Variants in PDZD2 observed in about 807,000 individuals in gnomAD.
PDZD2 encodes the protein PDZ domain containing 2.
Under a neutral mutation model 220.7 loss-of-function variants are expected in PDZD2, and 90 were observed. The observed-to-expected ratio is 0.41, with a 90% confidence interval of 0.34 to 0.49. The LOEUF is 0.49. Among genes scored for constraint, PDZD2 ranks in the 20% least tolerant of loss-of-function variants. The pLI is 0.28. For missense variants in PDZD2, 3,174 were observed against 3,608.5 expected (o/e 0.88, Z 3.08); for synonymous variants, 1,375 against 1,450.5 (o/e 0.95, Z 1.18).
chr5:31,961,067 A>T (rs1748176420), intron 2 of PDZD2, among the ~76,000 whole-genome samples: 1 of 151,710 alleles, frequency 6.6e-6, no homozygotes, highest in East Asian at 1.9e-4. Context: ...CACAAGACTG[A>T]CCCCCTTCTA....
At chr5:32,072,340 G>T in intron 17 of PDZD2, 23 bp downstream of exon 17, 1 of 1,588,856 alleles carries the variant, frequency 6.3e-7, no homozygotes, top group Admixed American at 1.7e-5. Flanking sequence ...GCCCCAGAGG[G>T]CCTGGGCTCT....
At chr5:31,907,980 G>A (rs1418393106) in intron 2 of PDZD2, among the ~76,000 whole-genome samples, 9 of 150,974 alleles carry the variant, frequency 6.0e-5, no homozygotes, top group Non-Finnish European at 1.5e-5. Context: ...CTACTCAGGA[G>A]GCCGAGGCAG....
intron 1 of PDZD2, among the ~76,000 whole-genome samples, chr5:31,761,359 T>C (rs1051351669): frequency 4.6e-5 from 7 of 151,264 alleles, no homozygotes; most frequent in Admixed American, 2.0e-4. Context: ...AGTAGAGAAA[T>C]AAAAAGATAA....
intron 1 of PDZD2, among the ~76,000 whole-genome samples, chr5:31,680,596 C>G (rs559183601): frequency 2.4e-4 from 36 of 152,298 alleles, no homozygotes; most frequent in African/African-American, 7.7e-4. Context: ...CTGGAATCGA[C>G]CTGCATGTGG....
At chr5:31,732,742 T>A (rs1156355445) in intron 1 of PDZD2, among the ~76,000 whole-genome samples, 1 of 152,156 alleles carries the variant, frequency 6.6e-6, no homozygotes, top group Non-Finnish European at 1.5e-5. Flanking sequence ...TTTATTTTAC[T>A]TTTTGAGACA....
chr5:31,995,841 A>T (rs759304149), intron 4 of PDZD2, 123 bp downstream of exon 4: 136 of 889,794 alleles, frequency 1.5e-4, no homozygotes, highest in Admixed American at 1.2e-3. Context: ...CATAAAGATT[A>T]TGCTGGAGCA....
At chr5:32,004,576 G>C (rs566391681) in intron 5 of PDZD2, among the ~76,000 whole-genome samples, 1 of 152,318 alleles carries the variant, frequency 6.6e-6, no homozygotes, top group South Asian at 2.1e-4. Context: ...GGGTGACAGA[G>C]CAAGACCCTG....
At chr5:31,741,869 A>G (rs553189489) in intron 1 of PDZD2, 1 of 152,322 alleles carries the variant, frequency 6.6e-6, no homozygotes, top group African/African-American at 2.4e-5. Context: ...TACAAGGTGC[A>G]TTGACTAGTG....
chr5:31,730,552 G>GTT (rs35342697), intron 1 of PDZD2, among the ~76,000 whole-genome samples: 3 of 130,180 alleles, frequency 2.3e-5, no homozygotes, highest in African/African-American at 9.1e-5. Context: ...GCCACCAGGA[G>GTT]TTTGTGTGTG....
At position 31,790,109 on chromosome 5, in the gene PDZD2, T is replaced by C. The variant is rs182149187; in HGVS notation, c.-360-8780T>C. ...CTTGCCTCTTACTGGGAGGTCTTTT[T>C]TGTTTGTTTGTTTGTTTGAGATGGA... is the stretch of plus-strand genomic sequence containing the variant. On this transcript the variant is annotated intron_variant, in intron 1 of 24. Coordinates refer to ENST00000438447, the MANE Select transcript of PDZD2 (RefSeq NM_178140.4). Among the ~76,000 whole-genome samples, 631 of 151,546 alleles carry C rather than the reference T, an allele frequency of 4.2e-3. 5 individuals are homozygous for C. Among genetic ancestry groups the C allele is most frequent in the African/African-American group, 0.014 (570 of 41,498 alleles).
At chr5:31,795,045 A>G (rs1325197855) in intron 1 of PDZD2, among the ~76,000 whole-genome samples, 1 of 152,224 alleles carries the variant, frequency 6.6e-6, no homozygotes, top group Non-Finnish European at 1.5e-5. Context: ...GGCCTATAGA[A>G]GATGATTAGC....
intron 2 of PDZD2, among the ~76,000 whole-genome samples, chr5:31,912,846 A>G (rs1743327008): frequency 6.6e-6 from 1 of 152,234 alleles, no homozygotes; most frequent in Non-Finnish European, 1.5e-5. Flanking sequence ...ATAACCTTCC[A>G]TTCCCACGTT....
chr5:31,843,093 C>G (rs10940972), intron 2 of PDZD2, among the ~76,000 whole-genome samples: 14,294 of 152,010 alleles, frequency 0.094, 1,006 homozygotes, highest in East Asian at 0.36. Flanking sequence ...GTTGGTCAGG[C>G]TGGTCTCGAA....
chr5:32,107,864 ATAT>A (rs1561622372), intron 24 of PDZD2, 102 bp from the exon 25 acceptor site: 10 of 629,650 alleles, frequency 1.6e-5, no homozygotes, highest in African/African-American at 3.7e-5. Context: ...ATTCAATAAT[ATAT>A]TATTTAGATA....
intron 1 of PDZD2, among the ~76,000 whole-genome samples, chr5:31,770,079 G>A (rs1752252959): frequency 6.6e-6 from 1 of 152,190 alleles, no homozygotes; most frequent in South Asian, 2.1e-4. Context: ...TCAGGCTGAA[G>A]AAAAAGCTTT....
intron 2 of PDZD2, among the ~76,000 whole-genome samples, chr5:31,850,013 CA>C: frequency 2.3e-5 from 2 of 85,404 alleles, no homozygotes; most frequent in Non-Finnish European, 4.4e-5. Flanking sequence ...TATATACACA[CA>C]CACGTATATA....
rs1299094525 is a variant in PDZD2 at position 31,799,477 on chromosome 5, C to T, written c.229C>T (p.Leu77=). The T allele has an allele frequency of 1.1e-5, 17 of 1,614,022 alleles. No homozygotes were observed. Among genetic ancestry groups the T allele is most frequent in the East Asian group, 2.2e-5 (1 of 44,886 alleles). ...CTGTACTGTGTACCTCACCAAGGAG[C>T]TGGGGGACACAGAGACTGTGGGCCT... ...EICTVYLTKE[L]GDTETVGLSF... is the part of the protein sequence containing the mutation. The change falls in exon 2 of 25, where the codon CTG becomes TTG. Residue 77 remains leucine, a synonymous_variant. Coordinates refer to ENST00000438447, the MANE Select transcript of PDZD2 (RefSeq NM_178140.4).
intron 2 of PDZD2, chr5:31,823,054 T>C (rs938132764): frequency 9.1e-7 from 1 of 1,100,794 alleles, no homozygotes; most frequent in Non-Finnish European, 1.3e-6. Context: ...TCTGGGGCCC[T>C]TCACAATAAC....
chr5:31,719,927 G>T (rs1748688253), intron 1 of PDZD2, among the ~76,000 whole-genome samples: 1 of 152,232 alleles, frequency 6.6e-6, no homozygotes, highest in African/African-American at 2.4e-5. Flanking sequence ...TTTAAGCAAA[G>T]AGGTTATTTA....
Sources: allele counts gnomAD v4.1 joint callset (sites outside exome capture counted in the v4.1 genomes callset), GRCh38; gene constraint gnomAD v4.1.1; transcripts MANE v1.5; gene names NCBI Gene and HGNC (gene_info 2026-07-23, HGNC 2026-07-21).